TLR5: variants seen among roughly 807,000 people sequenced by gnomAD.
The protein encoded by TLR5 is toll like receptor 5, also known as toll-like receptor 5.
For synonymous variants in TLR5, 373 were observed against 384.4 expected, an observed-to-expected ratio of 0.97 and a Z score of 0.35; for missense variants, 944 against 999.8, an observed-to-expected ratio of 0.94 and a Z score of 0.75.
intron 5 of TLR5, among the ~76,000 whole-genome samples, chr1:223,114,515 G>C (rs925372642): frequency 1.3e-5 from 2 of 152,196 alleles, no homozygotes; most frequent in African/African-American, 2.4e-5. Flanking sequence ...AATCCCATGA[G>C]ACACCATCAC....
At chr1:223,119,978 T>TAAAATAAAATAAAATAAATA (rs71178530) in intron 5 of TLR5, among the ~76,000 whole-genome samples, 1 of 41,646 alleles carries the variant, frequency 2.4e-5, no homozygotes, top group African/African-American at 1.8e-4. Context: ...TAAAATAAAA[T>TAAAATAAAATAAAATAAATA]AAATAAAATA....
chr1:223,118,392 CA>C (rs1470895213), intron 5 of TLR5, among the ~76,000 whole-genome samples: 2 of 151,246 alleles, frequency 1.3e-5, no homozygotes, highest in Admixed American at 6.6e-5. Flanking sequence ...ACTAAAAATA[CA>C]AAAATTAGCC....
In TLR5 at chr1:223,112,264, G is replaced by A; in HGVS notation, c.768C>T (p.Phe256=). Residue 256 remains phenylalanine (F), a synonymous_variant, in exon 6 of 6, where the codon TTC becomes TTT. Coordinates refer to ENST00000642603, the MANE Select transcript of TLR5 (RefSeq NM_003268.6). The part of the protein sequence containing the change: ...FSNAISKSQA[F]SLILAHHIMG... The stretch of plus-strand genomic sequence containing the variant: ...TGATGTGGTGGGCAAGAATCAAAGA[G>A]AAGGCCTGGCTTTTGCTGATGGCAT... The A allele has an allele frequency of 1.2e-6, 2 of 1,614,224 alleles. No homozygotes were observed. The highest frequency in any genetic ancestry group is 1.7e-6 in the Non-Finnish European group (2 of 1,180,044).
intron 5 of TLR5, chr1:223,129,491 C>G (rs1657314290): frequency 6.6e-6 from 1 of 152,228 alleles, no homozygotes; most frequent in South Asian, 2.1e-4. Context: ...ACCGGTCATC[C>G]GTGCGGCCGG....
chr1:223,140,859 G>A (rs534532151), intron 2 of TLR5, among the ~76,000 whole-genome samples: 20 of 152,248 alleles, frequency 1.3e-4, no homozygotes, highest in East Asian at 1.9e-4. Flanking sequence ...ACATACTTTC[G>A]CACTTAATTG....
At chr1:223,116,648 CCCA>C (rs928964545) in intron 5 of TLR5, among the ~76,000 whole-genome samples, 2 of 152,062 alleles carry the variant, frequency 1.3e-5, no homozygotes, top group African/African-American at 4.8e-5. Flanking sequence ...CTTATCTGGC[CCCA>C]CCGACATCCT....
In TLR5 at chr1:223,109,908, GACTC is replaced by G. The variant is rs1285858099; in HGVS notation, c.*543_*546del. The G allele has an allele frequency of 6.0e-6, 1 of 168,044 alleles. No individual in the cohort carries two copies. Among genetic ancestry groups the G allele is most frequent in the African/African-American group, 2.4e-5 (1 of 41,518 alleles). 10.4% of individuals were successfully genotyped at this position (168,044 alleles called of 1,614,324 possible). A position where few individuals can be genotyped will look rare whatever the true frequency, so the allele number is the denominator to read the frequency against. On this transcript the variant is annotated 3_prime_UTR_variant, in exon 6 of 6. Coordinates refer to ENST00000642603, the MANE Select transcript of TLR5 (RefSeq NM_003268.6). ...GCAGTACAGTCACAAGACAGGTAGT[GACTC>G]ATTCATCCCAGCTTCTTTGGGGCCA... is the stretch of plus-strand genomic sequence containing the variant.
rs1657437410 is a variant in TLR5 at position 223,132,534 on chromosome 1, T to C, written c.-64A>G. ...TCTTATTCTAGGGGCAGAGGGTCCC[T>C]GGTTGTTTAAAGACTTCAGTTCCTG... On this transcript the variant is annotated 5_prime_UTR_variant, in exon 5 of 6. Coordinates refer to ENST00000642603, the MANE Select transcript of TLR5 (RefSeq NM_003268.6). The C allele has an allele frequency of 6.6e-6, 1 of 152,322 alleles. No individual in the cohort carries two copies. Among genetic ancestry groups the C allele is most frequent in the Admixed American group, 6.5e-5 (1 of 15,274 alleles). The allele number at this position is 152,322 out of a possible 1,614,324, so 9.4% of individuals were successfully genotyped here.
At chr1:223,117,685 C>T (rs547413065) in intron 5 of TLR5, among the ~76,000 whole-genome samples, 10 of 152,106 alleles carry the variant, frequency 6.6e-5, no homozygotes, top group African/African-American at 2.2e-4. Flanking sequence ...TGCCTCAGTG[C>T]ATTTTATCTG....
At chr1:223,133,764 C>T (rs1443267211) in intron 4 of TLR5, among the ~76,000 whole-genome samples, 1 of 152,172 alleles carries the variant, frequency 6.6e-6, no homozygotes, top group Non-Finnish European at 1.5e-5. Context: ...GGTCATATCG[C>T]TTTACTAGGA....
chr1:223,139,937 C>A (rs972019237), intron 2 of TLR5, among the ~76,000 whole-genome samples: 4 of 152,218 alleles, frequency 2.6e-5, no homozygotes, highest in Admixed American at 6.5e-5. Context: ...TATCAAACGC[C>A]TCTTATGTGC....
intron 2 of TLR5, among the ~76,000 whole-genome samples, chr1:223,140,251 A>T (rs752706930): frequency 6.6e-6 from 1 of 152,188 alleles, no homozygotes; most frequent in Admixed American, 6.5e-5. Context: ...AGGCACACAA[A>T]AAACGCATGG....
At chr1:223,136,566 T>C (rs551674983) in intron 3 of TLR5, among the ~76,000 whole-genome samples, 1 of 152,328 alleles carries the variant, frequency 6.6e-6, no homozygotes, top group African/African-American at 2.4e-5. Flanking sequence ...AAAGGTAGTC[T>C]TGAAGCTATC....
intron 4 of TLR5, among the ~76,000 whole-genome samples, chr1:223,133,603 G>A (rs1040428940): frequency 7.2e-5 from 11 of 152,206 alleles, no homozygotes; most frequent in African/African-American, 2.7e-4. Flanking sequence ...ATAAGGCATG[G>A]CTAAGATGCT....
chr1:223,115,938 T>A (rs1456321547), intron 5 of TLR5, among the ~76,000 whole-genome samples: 1 of 152,180 alleles, frequency 6.6e-6, no homozygotes, highest in Non-Finnish European at 1.5e-5. Flanking sequence ...TCCAAACTCT[T>A]TCCAGCCTCA....
rs369809872 is a variant in TLR5, at chr1:223,110,905, A to G, written c.2127T>C (p.Asn709=). 6.2e-7 allele frequency: 1 copy of G among 1,614,116 alleles called. No individual in the cohort carries two copies. Among genetic ancestry groups the G allele is most frequent in the Non-Finnish European group, 8.5e-7 (1 of 1,180,050 alleles). Residue 709 remains asparagine, a synonymous_variant, in exon 6 of 6, where the codon AAT becomes AAC. Coordinates refer to ENST00000642603, the MANE Select transcript of TLR5 (RefSeq NM_003268.6). ...FSSKDFTWVQ[N]ALLKHLDTQY... ...GAGTGTCCAGGTGTTTGAGCAAAGCATTCTGCACCCATGTGAAGTCTTTGC... is the reference window on the plus strand; with the variant it reads ...GAGTGTCCAGGTGTTTGAGCAAAGCGTTCTGCACCCATGTGAAGTCTTTGC...
chr1:223,122,946 A>G (rs1158903585), intron 5 of TLR5, among the ~76,000 whole-genome samples: 1 of 152,240 alleles, frequency 6.6e-6, no homozygotes. Flanking sequence ...CTAAAGGGCC[A>G]GAGGGTAAAT....
At chr1:223,141,820 TATAG>T (rs1254027546) in intron 1 of TLR5, 57 bp from the exon 2 acceptor site, 226 of 43,844 alleles carry the variant, frequency 5.2e-3, no homozygotes, top group Non-Finnish European at 7.5e-3. Flanking sequence ...TATATATATA[TATAG>T]AGAGAGAGAG....
intron 4 of TLR5, 49 bp from the exon 5 acceptor site, chr1:223,132,688 A>G: frequency 6.6e-6 from 1 of 152,372 alleles, no homozygotes; most frequent in East Asian, 1.9e-4. Flanking sequence ...AAAAAATATT[A>G]TGTAGATATT....
Sources: allele counts gnomAD v4.1 joint callset (sites outside exome capture counted in the v4.1 genomes callset), GRCh38; gene constraint gnomAD v4.1.1; transcripts MANE v1.5; gene names NCBI Gene and HGNC (gene_info 2026-07-23, HGNC 2026-07-21).